Variants in GAREM1 observed in about 807,000 individuals in gnomAD.
GAREM1 encodes the protein GRB2-associated and regulator of MAPK protein 1.
Under a neutral mutation model 71.3 loss-of-function variants are expected in GAREM1, and 26 were observed. That is an observed-to-expected ratio of 0.36 (90% confidence interval 0.27 to 0.51). GAREM1 has a LOEUF of 0.51. Ranked by LOEUF, GAREM1 falls within the 20% of genes least tolerant of loss-of-function variation. GAREM1 has a pLI of 0.95. For missense variants in GAREM1, 1,026 were observed against 1,103.1 expected (o/e 0.93, Z 0.99); for synonymous variants, 440 against 433.2 (o/e 1.02, Z -0.20).
intron 2 of GAREM1, among the ~76,000 whole-genome samples, chr18:32,348,345 C>T (rs929970708): frequency 6.6e-6 from 1 of 152,176 alleles, no homozygotes; most frequent in African/African-American, 2.4e-5. Context: ...TAAAAGAAAA[C>T]TGTAGCTCAC....
At chr18:32,329,577 A>G (rs2047510118) in intron 2 of GAREM1, among the ~76,000 whole-genome samples, 1 of 151,550 alleles carries the variant, frequency 6.6e-6, no homozygotes, top group African/African-American at 2.4e-5. Context: ...GTGGTGGCGC[A>G]TGCCTGTAGT....
chr18:32,459,322 C>T (rs979583100), intron 1 of GAREM1, among the ~76,000 whole-genome samples: 3 of 151,580 alleles, frequency 2.0e-5, no homozygotes, highest in Admixed American at 6.6e-5. Context: ...GTTGTATAAG[C>T]CGCTATTTTT....
chr18:32,445,671 T>C (rs1161403573), intron 1 of GAREM1, among the ~76,000 whole-genome samples: 1 of 152,146 alleles, frequency 6.6e-6, no homozygotes, highest in Non-Finnish European at 1.5e-5. Flanking sequence ...CTAGTCAAAG[T>C]TCTATGTGTA....
At chr18:32,373,778 T>A (rs1034549302) in intron 2 of GAREM1, among the ~76,000 whole-genome samples, 46 of 152,114 alleles carry the variant, frequency 3.0e-4, no homozygotes, top group African/African-American at 9.4e-4. Context: ...TGCTTTAGAG[T>A]GGACCAGATC....
intron 1 of GAREM1, among the ~76,000 whole-genome samples, chr18:32,441,810 C>G (rs2048740752): frequency 6.6e-6 from 1 of 152,188 alleles, no homozygotes; most frequent in South Asian, 2.1e-4. Context: ...GCTGGAGAAA[C>G]AATGTGCCAA....
intron 1 of GAREM1, among the ~76,000 whole-genome samples, chr18:32,426,363 A>C (rs898066467): frequency 5.3e-5 from 8 of 152,166 alleles, no homozygotes; most frequent in African/African-American, 1.9e-4. Flanking sequence ...AGGATGTTTG[A>C]CTAATGGCCT....
At chr18:32,430,180 G>C (rs1026101892) in intron 1 of GAREM1, among the ~76,000 whole-genome samples, 1 of 152,152 alleles carries the variant, frequency 6.6e-6, no homozygotes, top group African/African-American at 2.4e-5. Context: ...ACAAAATCAT[G>C]GCAGAGAATG....
At chr18:32,273,421 C>A (rs780872462) in intron 4 of GAREM1, among the ~76,000 whole-genome samples, 2 of 151,336 alleles carry the variant, frequency 1.3e-5, no homozygotes, top group Admixed American at 6.6e-5. Context: ...AAGGAACTCC[C>A]GAACTCCCCT....
chr18:32,435,328 C>T (rs181490114), intron 1 of GAREM1, among the ~76,000 whole-genome samples: 136 of 151,840 alleles, frequency 9.0e-4, no homozygotes, highest in Non-Finnish European at 1.6e-3. Context: ...TACTAATGAA[C>T]GAATGCTAAT....
intron 1 of GAREM1, among the ~76,000 whole-genome samples, chr18:32,435,102 C>T (rs917561303): frequency 1.3e-5 from 2 of 151,902 alleles, no homozygotes; most frequent in Admixed American, 6.6e-5. Context: ...AAATCCAAAC[C>T]GAATGTCATT....
intron 1 of GAREM1, among the ~76,000 whole-genome samples, chr18:32,430,054 T>C (rs1350306531): frequency 6.6e-6 from 1 of 152,220 alleles, no homozygotes; most frequent in Non-Finnish European, 1.5e-5. Flanking sequence ...TATTTTCATT[T>C]GAACACTGAA....
intron 3 of GAREM1, among the ~76,000 whole-genome samples, chr18:32,304,566 T>C (rs145444113): frequency 6.0e-4 from 92 of 152,298 alleles, no homozygotes; most frequent in African/African-American, 2.1e-3. Flanking sequence ...CATAAACACA[T>C]AGACATGGCT....
chr18:32,357,856 C>T (rs2047821115), intron 2 of GAREM1, among the ~76,000 whole-genome samples: 1 of 152,134 alleles, frequency 6.6e-6, no homozygotes, highest in Middle Eastern at 3.2e-3. Context: ...CTATAAATAA[C>T]TTAAGAAAAA....
In GAREM1 at chr18:32,287,683, T is replaced by G. The variant is rs1422354267; in HGVS notation, c.914A>C (p.Lys305Thr). Residue 305 changes from lysine (K) to threonine (T), a missense_variant, in exon 4 of 6, where the codon AAG becomes ACG. Transcript: ENST00000269209. This position sits in a 1 kb window ranked among gnomAD's most constrained non-coding sequence, Gnocchi z 5.9. ...CACCAGGTGTTCTGGGAGGCTGAAC[T>G]TGGGGACAGTCAAGTGCAAAGGAAA... ...MHFPLHLTVP[K>T]FSLPEHLVKG... 1 of 1,614,134 alleles carries G rather than the reference T, an allele frequency of 6.2e-7. No homozygotes were observed. Among genetic ancestry groups the G allele is most frequent in the South Asian group, 1.1e-5 (1 of 91,082 alleles).
chr18:32,400,852 C>T (rs1342903781), intron 1 of GAREM1, among the ~76,000 whole-genome samples: 1 of 152,182 alleles, frequency 6.6e-6, no homozygotes, highest in Non-Finnish European at 1.5e-5. Flanking sequence ...ATAAATCATG[C>T]TGCTGTAAAG....
At chr18:32,378,009 TA>T (rs1207689050) in intron 2 of GAREM1, among the ~76,000 whole-genome samples, 7 of 147,966 alleles carry the variant, frequency 4.7e-5, no homozygotes, top group Non-Finnish European at 7.4e-5. Flanking sequence ...ACTTACTATA[TA>T]ACTGTGTGTG....
intron 1 of GAREM1, among the ~76,000 whole-genome samples, chr18:32,423,143 A>G (rs943065527): frequency 1.8e-4 from 28 of 152,216 alleles, no homozygotes; most frequent in African/African-American, 6.5e-4. Context: ...TTTTAAGTCT[A>G]TGGGCAGAGT....
intron 2 of GAREM1, among the ~76,000 whole-genome samples, chr18:32,366,556 C>T (rs763160541): frequency 1.3e-5 from 2 of 152,116 alleles, no homozygotes; most frequent in Non-Finnish European, 2.9e-5. Context: ...TCATGGAGTT[C>T]CATCCATTCA....
At chr18:32,282,894 C>G (rs1304627245) in intron 4 of GAREM1, among the ~76,000 whole-genome samples, 10 of 152,172 alleles carry the variant, frequency 6.6e-5, no homozygotes, top group Non-Finnish European at 1.3e-4. Context: ...TAGAGTACAT[C>G]TGGGTAAATA....
Sources: allele counts gnomAD v4.1 joint callset (sites outside exome capture counted in the v4.1 genomes callset), GRCh38; gene constraint gnomAD v4.1.1; non-coding constraint Gnocchi (gnomAD v3.1); transcripts MANE v1.5; gene names NCBI Gene and HGNC (gene_info 2026-07-23, HGNC 2026-07-21).